SORCS2: variants seen among roughly 807,000 people sequenced by gnomAD.
The protein encoded by SORCS2 is VPS10 domain-containing receptor SorCS2.
In SORCS2, 100 loss-of-function variants were observed where a neutral mutation model predicts 141.6. The observed-to-expected ratio is 0.71, with a 90% CI of 0.60 to 0.83. The LOEUF (loss-of-function observed/expected upper bound fraction) is 0.83. Ranked by LOEUF, SORCS2 falls within the 40% of genes least tolerant of loss-of-function variation. SORCS2 has a pLI of 0.00. For synonymous variants in SORCS2, 789 were observed against 676.9 expected, an observed-to-expected ratio of 1.17 and a Z score of -2.57; for missense variants, 1,646 against 1,560.2, an observed-to-expected ratio of 1.05 and a Z score of -0.93.
intron 2 of SORCS2, among the ~76,000 whole-genome samples, chr4:7,482,500 C>T (rs1310863050): frequency 1.4e-5 from 1 of 71,964 alleles, no homozygotes; most frequent in Non-Finnish European, 2.4e-5. Flanking sequence ...TGTATCCCCA[C>T]CGCGGACACC....
At chr4:7,221,827 A>G (rs185214481) in intron 1 of SORCS2, among the ~76,000 whole-genome samples, 35 of 151,788 alleles carry the variant, frequency 2.3e-4, no homozygotes, top group African/African-American at 8.3e-4. Flanking sequence ...TAAGTTAAGC[A>G]TATATTTAAG....
At chr4:7,350,932 A>G (rs2109005670) in intron 1 of SORCS2, among the ~76,000 whole-genome samples, 1 of 152,116 alleles carries the variant, frequency 6.6e-6, no homozygotes, top group South Asian at 2.1e-4. Context: ...TCCCTGTGCT[A>G]CTGTCTAGGG....
chr4:7,574,213 G>A (rs923297736), intron 3 of SORCS2, among the ~76,000 whole-genome samples: 8 of 152,242 alleles, frequency 5.3e-5, no homozygotes, highest in South Asian at 4.1e-4. Flanking sequence ...GCCCCAGGAC[G>A]GGACTGTGTT....
At chr4:7,476,007 C>T (rs895334989) in intron 2 of SORCS2, among the ~76,000 whole-genome samples, 4 of 152,092 alleles carry the variant, frequency 2.6e-5, no homozygotes, top group Non-Finnish European at 5.9e-5. Context: ...AGTGAGTGGG[C>T]ACTGTGGGCC....
In SORCS2 at chr4:7,376,606, T is replaced by C. The variant is rs560811659; in HGVS notation, c.481-19682T>C. Among the ~76,000 whole-genome samples the C allele has an allele frequency of 2.0e-5, 3 of 152,188 alleles. No individual in the cohort carries two copies. In the East Asian group the frequency reaches 5.8e-4, roughly 29 times the overall value. On this transcript the variant is annotated intron_variant, in intron 1 of 26. Transcript: ENST00000507866. ...CAAAAATAAAAACAAACAAAACCAATTCACTAATACCCAGAGGTCATTATT... is the reference window on the plus strand; with the variant it reads ...CAAAAATAAAAACAAACAAAACCAACTCACTAATACCCAGAGGTCATTATT...
chr4:7,497,573 A>G (rs1212079098), intron 2 of SORCS2, among the ~76,000 whole-genome samples: 1 of 152,268 alleles, frequency 6.6e-6, no homozygotes, highest in Non-Finnish European at 1.5e-5. Context: ...AGGAGCCCAC[A>G]GTTAGGACTT....
At chr4:7,550,124 A>ATGTGTG (rs1446623939) in intron 3 of SORCS2, among the ~76,000 whole-genome samples, 57 of 70,228 alleles carry the variant, frequency 8.1e-4, no homozygotes, top group Middle Eastern at 8.2e-3. Flanking sequence ...GTGTGTGTGT[A>ATGTGTG]TGTGTGTATG....
intron 3 of SORCS2, among the ~76,000 whole-genome samples, chr4:7,616,881 A>G (rs1718796555): frequency 6.6e-6 from 1 of 152,218 alleles, no homozygotes; most frequent in African/African-American, 2.4e-5. Flanking sequence ...GAACTCTGCG[A>G]TGGTGCAGAC....
intron 1 of SORCS2, among the ~76,000 whole-genome samples, chr4:7,387,491 A>G (rs981046070): frequency 3.3e-5 from 5 of 151,222 alleles, no homozygotes; most frequent in Admixed American, 2.0e-4. Context: ...ACATACATAC[A>G]CATGCACACA....
intron 1 of SORCS2, among the ~76,000 whole-genome samples, chr4:7,380,722 C>T (rs183476846): frequency 1.3e-5 from 2 of 152,336 alleles, no homozygotes; most frequent in African/African-American, 4.8e-5. Context: ...TTGTAGTTAC[C>T]TTCTATGGAT....
intron 1 of SORCS2, among the ~76,000 whole-genome samples, chr4:7,287,781 G>A (rs888431059): frequency 2.6e-5 from 4 of 152,204 alleles, no homozygotes; most frequent in Admixed American, 1.3e-4. Context: ...GTGGGTCTGC[G>A]GCTTCCTGTC....
chr4:7,610,906 G>T (rs1718364844), intron 3 of SORCS2, among the ~76,000 whole-genome samples: 1 of 152,290 alleles, frequency 6.6e-6, no homozygotes, highest in South Asian at 2.1e-4. Context: ...TGATGGGCAG[G>T]TCTTGGTGCC....
intron 12 of SORCS2, among the ~76,000 whole-genome samples, chr4:7,698,751 G>C (rs537065173): frequency 6.6e-6 from 1 of 152,276 alleles, no homozygotes; most frequent in Admixed American, 6.5e-5. Flanking sequence ...GAAAGATGGC[G>C]CAGTGCAGGA....
At chr4:7,646,806 T>G (rs1721111752) in intron 4 of SORCS2, among the ~76,000 whole-genome samples, 1 of 152,196 alleles carries the variant, frequency 6.6e-6, no homozygotes, top group East Asian at 1.9e-4. Context: ...CTGAGCCCTC[T>G]GGGGTACGTT....
At chr4:7,674,387 C>G (rs1341722069) in intron 8 of SORCS2, among the ~76,000 whole-genome samples, 1 of 151,932 alleles carries the variant, frequency 6.6e-6, no homozygotes, top group Non-Finnish European at 1.5e-5. Flanking sequence ...TCCTGGCTAA[C>G]ACAGTGAAAC....
At chr4:7,322,190 G>A (rs983816619) in intron 1 of SORCS2, among the ~76,000 whole-genome samples, 3 of 152,214 alleles carry the variant, frequency 2.0e-5, no homozygotes, top group African/African-American at 7.2e-5. Context: ...CCCCCACATG[G>A]CCAGGGCCTG....
At chr4:7,256,003 G>A (rs1274831463) in intron 1 of SORCS2, among the ~76,000 whole-genome samples, 2 of 151,562 alleles carry the variant, frequency 1.3e-5, no homozygotes, top group Non-Finnish European at 2.9e-5. Flanking sequence ...TGGGGACCCT[G>A]GGCTGGAGTG....
At chr4:7,263,193 A>G (rs1714483622) in intron 1 of SORCS2, among the ~76,000 whole-genome samples, 1 of 152,178 alleles carries the variant, frequency 6.6e-6, no homozygotes, top group South Asian at 2.1e-4. Flanking sequence ...AGATTGTTTT[A>G]AATACTCAAT....
intron 2 of SORCS2, among the ~76,000 whole-genome samples, chr4:7,518,896 G>A (rs1733153668): frequency 6.6e-6 from 1 of 152,116 alleles, no homozygotes; most frequent in Non-Finnish European, 1.5e-5. Flanking sequence ...GCTTCACAGT[G>A]AGGAACAACA....
Sources: gnomAD v4.1 joint callset for allele counts (sites outside exome capture counted in the v4.1 genomes callset) on GRCh38, gnomAD v4.1.1 for gene constraint, MANE v1.5 for transcripts, NCBI Gene and HGNC (gene_info 2026-07-23, HGNC 2026-07-21) for gene names.